Variants in ZCCHC4 observed in about 807,000 individuals in gnomAD.
ZCCHC4 encodes rRNA N(6)-adenosine-methyltransferase ZCCHC4.
ZCCHC4 carries 54 observed loss-of-function variants against 67.7 expected under a neutral mutation model. That is an observed-to-expected ratio of 0.80 (90% confidence interval 0.64 to 1.00). ZCCHC4 has a LOEUF of 1.00. ZCCHC4 is among the 50% of genes least tolerant of loss of function. The pLI, the probability that ZCCHC4 is intolerant of heterozygous loss-of-function variation, is 0.00. For missense variants in ZCCHC4, 609 were observed against 617.0 expected, an observed-to-expected ratio of 0.99 and a Z score of 0.14; for synonymous variants, 198 against 213.5, an observed-to-expected ratio of 0.93 and a Z score of 0.63.
Position 25,314,170 on chromosome 4 carries a change from T to C in ZCCHC4, c.246+6T>C. 6.4e-7 allele frequency: 1 copy of C among 1,553,194 alleles called. No individual in the cohort carries two copies. Among genetic ancestry groups the C allele is most frequent in the Non-Finnish European group, 8.8e-7 (1 of 1,141,356 alleles). ...TTCAGTGGGAAGATGAAAAGGTATA[T>C]CAACTTTTTGGATATTTATTTTTTA... is the stretch of plus-strand genomic sequence containing the variant. On this transcript the variant is annotated splice_donor_region_variant and intron_variant, in intron 2 of 12. Transcript: ENST00000302874.
chr4:25,355,461 G>A (rs1015450085), intron 8 of ZCCHC4, among the ~76,000 whole-genome samples: 1 of 152,126 alleles, frequency 6.6e-6, no homozygotes, highest in Non-Finnish European at 1.5e-5. Context: ...GGGAGTGGTG[G>A]TGTTCATGTC....
At chr4:25,319,441 G>T (rs1718462706) in intron 3 of ZCCHC4, among the ~76,000 whole-genome samples, 1 of 152,078 alleles carries the variant, frequency 6.6e-6, no homozygotes, top group African/African-American at 2.4e-5. Flanking sequence ...GAAGCGTTAG[G>T]GCGTAACTTG....
chr4:25,362,556 A>G (rs1720788843), intron 10 of ZCCHC4, among the ~76,000 whole-genome samples: 1 of 152,336 alleles, frequency 6.6e-6, no homozygotes, highest in East Asian at 1.9e-4. Flanking sequence ...CAGCGTCTCA[A>G]ATAAGGCATT....
At chr4:25,329,722 A>T (rs1719081842) in intron 3 of ZCCHC4, among the ~76,000 whole-genome samples, 2 of 151,648 alleles carry the variant, frequency 1.3e-5, no homozygotes, top group Admixed American at 1.3e-4. Flanking sequence ...TTTAGTAGAG[A>T]CAGGGTTTCA....
chr4:25,353,291 CT>C (rs1186546711), intron 8 of ZCCHC4, among the ~76,000 whole-genome samples: 2 of 152,066 alleles, frequency 1.3e-5, no homozygotes, highest in Non-Finnish European at 2.9e-5. Context: ...ATATAATGGA[CT>C]TTTTTATGGC....
At chr4:25,363,775 T>C (rs1720844614) in intron 10 of ZCCHC4, among the ~76,000 whole-genome samples, 2 of 152,152 alleles carry the variant, frequency 1.3e-5, no homozygotes, top group African/African-American at 4.8e-5. Flanking sequence ...AATGGACTTA[T>C]TATTTAGAGA....
At position 25,318,349 on chromosome 4, in the gene ZCCHC4, C is replaced by CTTTTTTTTTTTTTTTTTTTTTTTTTTTTT. The variant is rs528144406; in HGVS notation, c.329+2973_329+2974insTTTTTTTTTTTTTTTTTTTTTTTTTTTTT. Among the ~76,000 whole-genome samples, 2 of 45,518 alleles carry CTTTTTTTTTTTTTTTTTTTTTTTTTTTTT rather than the reference C, an allele frequency of 4.4e-5. 1 individual carries two copies. 29.9% of individuals were successfully genotyped at this position (45,518 alleles called of 152,430 possible). A position where few individuals can be genotyped will look rare whatever the true frequency, so the allele number is the denominator to read the frequency against. On this transcript the variant is annotated intron_variant, in intron 3 of 12. Transcript: ENST00000302874. Reference sequence around the variant, plus strand: ...TTCTTTTTTTTTTTTCACTCTCTCTCTTTTTTTTTTTTTTTTTTTTTTTTG... The same window carrying CTTTTTTTTTTTTTTTTTTTTTTTTTTTTT: ...TTCTTTTTTTTTTTTCACTCTCTCTCTTTTTTTTTTTTTTTTTTTTTTTTTTTTTTTTTTTTTTTTTTTTTTTTTTTTTG...
chr4:25,321,875 C>T (rs1404650104), intron 3 of ZCCHC4, among the ~76,000 whole-genome samples: 1 of 152,142 alleles, frequency 6.6e-6, no homozygotes, highest in African/African-American at 2.4e-5. Context: ...TGGTGGCTGA[C>T]TGAAAGTACA....
At position 25,314,149 on chromosome 4, in the gene ZCCHC4, G is replaced by A. The variant is rs1283093342; in HGVS notation, c.231G>A (p.Gln77=). The A allele has an allele frequency of 1.0e-5, 16 of 1,592,526 alleles. No individual in the cohort carries two copies. Among genetic ancestry groups the A allele is most frequent in the Non-Finnish European group, 1.4e-5 (16 of 1,172,252 alleles). The change falls in exon 2 of 13, where the codon CAG becomes CAA. Residue 77 remains glutamine, a synonymous_variant. Transcript: ENST00000302874. The part of the protein sequence containing the change: ...CRDRKDCNFF[Q]WEDEKLSGAR... The stretch of plus-strand genomic sequence containing the variant: ...ATAGAAAAGACTGTAATTTTTTTCA[G>A]TGGGAAGATGAAAAGGTATATCAAC...
intron 8 of ZCCHC4, among the ~76,000 whole-genome samples, chr4:25,354,666 A>AT (rs142398371): frequency 1.0e-4 from 15 of 150,406 alleles, no homozygotes; most frequent in African/African-American, 1.5e-4. Context: ...CTTCATTAAA[A>AT]TTTTTTTTTT....
chr4:25,324,686 T>A (rs957973943), intron 3 of ZCCHC4, among the ~76,000 whole-genome samples: 2 of 152,242 alleles, frequency 1.3e-5, no homozygotes, highest in African/African-American at 4.8e-5. Context: ...GTACGAGGAA[T>A]CAGATTTTTT....
At chr4:25,336,156 C>T (rs1043844353) in intron 5 of ZCCHC4, among the ~76,000 whole-genome samples, 9 of 152,160 alleles carry the variant, frequency 5.9e-5, no homozygotes, top group African/African-American at 1.7e-4. Flanking sequence ...ACCTAGAGTT[C>T]GCTTCCCCTC....
At chr4:25,365,191 A>G (rs1720895115) in intron 12 of ZCCHC4, 25 bp downstream of exon 12, 1 of 1,612,570 alleles carries the variant, frequency 6.2e-7, no homozygotes, top group Admixed American at 1.7e-5. Flanking sequence ...TTACTAGAAA[A>G]ATGTATTCCA....
chr4:25,334,899 A>G (rs745893303), intron 5 of ZCCHC4, among the ~76,000 whole-genome samples: 1 of 151,476 alleles, frequency 6.6e-6, no homozygotes, highest in Non-Finnish European at 1.5e-5. Flanking sequence ...GTGCATTGGC[A>G]TGGTCATAGC....
At chr4:25,324,982 G>A (rs936554693) in intron 3 of ZCCHC4, among the ~76,000 whole-genome samples, 6 of 151,964 alleles carry the variant, frequency 3.9e-5, no homozygotes, top group African/African-American at 7.2e-5. Context: ...GGTGGCTCAC[G>A]CCTGTAATCC....
chr4:25,369,115 C>A lies in ZCCHC4; in HGVS notation c.1493C>A (p.Thr498Lys), dbSNP rs1322254217. Reference protein sequence around the residue: ...KGQSMNHTSATRRKKRRERAH... With the variant: ...KGQSMNHTSAKRRKKRRERAH... ...CAATCCATGAATCATACATCTGCTA[C>A]AAGGAGAAAGAAAAGGAGGGAAAGA... The change falls in exon 13 of 13, where the codon ACA becomes AAA. Residue 498 changes from threonine to lysine, a missense_variant. Thr to Lys is a moderately conservative substitution (Grantham distance 78). Transcript: ENST00000302874. 1.2e-6 allele frequency: 2 copies of A among 1,613,750 alleles called. No homozygotes were observed. Among genetic ancestry groups the A allele is most frequent in the Non-Finnish European group, 1.7e-6 (2 of 1,179,972 alleles).
chr4:25,351,499 C>G, intron 7 of ZCCHC4, 90 bp from the exon 8 acceptor site: 1 of 806,782 alleles, frequency 1.2e-6, no homozygotes, highest in East Asian at 2.6e-5. Context: ...TGAATCATTG[C>G]AATTTCTTAT....
At chr4:25,362,061 A>G in intron 9 of ZCCHC4, 81 bp downstream of exon 9, 1 of 1,522,368 alleles carries the variant, frequency 6.6e-7, no homozygotes, top group African/African-American at 1.4e-5. Context: ...TGCTTTCAGT[A>G]TTGAATCATG....
chr4:25,324,000 G>T (rs1438547262), intron 3 of ZCCHC4, among the ~76,000 whole-genome samples: 3 of 80,552 alleles, frequency 3.7e-5, no homozygotes, highest in African/African-American at 1.8e-4. Context: ...CGTACAGTAT[G>T]TACTGTTTTT....
Sources: gnomAD v4.1 joint callset for allele counts (sites outside exome capture counted in the v4.1 genomes callset) on GRCh38, gnomAD v4.1.1 for gene constraint, MANE v1.5 for transcripts, NCBI Gene and HGNC (gene_info 2026-07-23, HGNC 2026-07-21) for gene names.